RGS6: variants seen among roughly 807,000 people sequenced by gnomAD.
RGS6 encodes regulator of G-protein signaling 6.
Under a neutral mutation model 78.5 loss-of-function variants are expected in RGS6, and 30 were observed. That is an observed-to-expected ratio of 0.38 (90% CI 0.29 to 0.52). The LOEUF (loss-of-function observed/expected upper bound fraction) is 0.52. Among genes scored for constraint, RGS6 ranks in the 20% least tolerant of loss-of-function variants. The pLI is 0.85. For missense variants in RGS6, 495 were observed against 609.7 expected (o/e 0.81, Z 1.98); for synonymous variants, 206 against 206.0 (o/e 1.00, Z 0.00).
chr14:72,383,805 G>C (rs949581461), intron 3 of RGS6, among the ~76,000 whole-genome samples: 2 of 152,066 alleles, frequency 1.3e-5, no homozygotes, highest in African/African-American at 4.8e-5. Context: ...CAAAGGGTGG[G>C]GGGGGACGGT....
chr14:72,076,371 T>C (rs1012829046), intron 2 of RGS6, among the ~76,000 whole-genome samples: 2 of 152,214 alleles, frequency 1.3e-5, no homozygotes, highest in Admixed American at 1.3e-4. Context: ...AGCATTGCAT[T>C]ACATGGATGT....
intron 2 of RGS6, among the ~76,000 whole-genome samples, chr14:71,975,693 G>C (rs978838179): frequency 6.6e-6 from 1 of 152,110 alleles, no homozygotes; most frequent in Non-Finnish European, 1.5e-5. Context: ...TCTTGACCTC[G>C]TGATCCTCCC....
intron 2 of RGS6, among the ~76,000 whole-genome samples, chr14:72,181,833 G>A (rs149651): frequency 6.6e-6 from 1 of 152,020 alleles, no homozygotes; most frequent in Admixed American, 6.5e-5. Flanking sequence ...TCAGAGTGAC[G>A]CACATTAAAA....
At chr14:71,996,755 G>A (rs2095221579) in intron 2 of RGS6, among the ~76,000 whole-genome samples, 1 of 151,924 alleles carries the variant, frequency 6.6e-6, no homozygotes, top group African/African-American at 2.4e-5. Context: ...TGAGGAGTCT[G>A]CCAGGAGGAA....
the RGS6 span, among the ~76,000 whole-genome samples, chr14:72,613,575 A>C: frequency 6.6e-6 from 1 of 152,186 alleles, no homozygotes; most frequent in Non-Finnish European, 1.5e-5. Flanking sequence ...GTGGGGACAG[A>C]AGCTGGAACA....
chr14:72,593,634 G>A, the RGS6 span, among the ~76,000 whole-genome samples: 1 of 152,122 alleles, frequency 6.6e-6, no homozygotes, highest in East Asian at 1.9e-4. Flanking sequence ...TGATCTGTCC[G>A]CCTCAGCCTC....
Position 72,472,881 on chromosome 14 carries a change from G to GA in RGS6, c.552dup (p.Asp185ArgfsTer10). 4 of 1,611,610 alleles carry GA rather than the reference G, an allele frequency of 2.5e-6. No individual in the cohort carries two copies. The highest frequency in any genetic ancestry group is 3.4e-6 in the Non-Finnish European group (4 of 1,178,422). On this transcript the variant is annotated frameshift_variant, in exon 9 of 18. Coordinates refer to ENST00000553525, the MANE Select transcript of RGS6 (RefSeq NM_001204424.2). LOFTEE classifies it high-confidence loss of function. ...CTCTTTACTCTTTCAGGATTGACCG[G>GA]AAAAAAGACAAGACAGAAAGGAAAA... is the stretch of plus-strand genomic sequence containing the variant.
At chr14:72,498,680 T>C (rs769530301) in intron 13 of RGS6, among the ~76,000 whole-genome samples, 1 of 152,172 alleles carries the variant, frequency 6.6e-6, no homozygotes, top group Non-Finnish European at 1.5e-5. Context: ...GGGCCAATGG[T>C]TCTAAGCCAT....
the RGS6 span, among the ~76,000 whole-genome samples, chr14:71,905,912 G>T: frequency 6.6e-5 from 10 of 152,170 alleles, no homozygotes; most frequent in Admixed American, 3.9e-4. Context: ...GATATCAAAG[G>T]ATTTCCTCAA....
chr14:72,311,593 T>C (rs2068628356), intron 2 of RGS6, among the ~76,000 whole-genome samples: 1 of 152,222 alleles, frequency 6.6e-6, no homozygotes, highest in Non-Finnish European at 1.5e-5. Flanking sequence ...GGCTAGACAT[T>C]TCCTGGTGAT....
rs2097330519 is a variant in RGS6, at chr14:72,541,744, C to T, written c.1422+1650C>T. 3 of 1,057,036 alleles carry T rather than the reference C, an allele frequency of 2.8e-6. No homozygotes were observed. In the Admixed American group the frequency reaches 7.8e-5, roughly 28 times the overall value. The allele number at this position is 1,057,036 out of a possible 1,614,324, so 65.5% of individuals were successfully genotyped here. Reference sequence around the variant, plus strand: ...TGTGTAAGCAGAGCCTTGACAGCCCCCGGAAGCTCTTGAGGGTGACCGTGC... The same window carrying T: ...TGTGTAAGCAGAGCCTTGACAGCCCTCGGAAGCTCTTGAGGGTGACCGTGC... On this transcript the variant is annotated intron_variant, in intron 17 of 17. Transcript: ENST00000553525.
At chr14:71,983,578 G>A (rs910181424) in intron 2 of RGS6, among the ~76,000 whole-genome samples, 3 of 152,170 alleles carry the variant, frequency 2.0e-5, no homozygotes, top group Admixed American at 6.5e-5. Context: ...GGCTTTCTGT[G>A]GCTGCTGGAG....
chr14:72,110,962 C>T (rs772833428), intron 2 of RGS6, among the ~76,000 whole-genome samples: 1 of 152,158 alleles, frequency 6.6e-6, no homozygotes, highest in Non-Finnish European at 1.5e-5. Flanking sequence ...TACCAACCAA[C>T]TCAGGCCCTA....
intron 3 of RGS6, among the ~76,000 whole-genome samples, chr14:72,386,255 G>T (rs1282397400): frequency 6.6e-6 from 1 of 151,996 alleles, no homozygotes; most frequent in East Asian, 1.9e-4. Context: ...ACTATTTGGG[G>T]GGCCGGGTGT....
intron 1 of RGS6, among the ~76,000 whole-genome samples, chr14:71,953,561 T>G (rs567900466): frequency 7.9e-5 from 12 of 152,252 alleles, no homozygotes; most frequent in African/African-American, 2.9e-4. Context: ...AGGCTTAGAT[T>G]TGTCCCATGG....
chr14:72,443,617 T>C (rs898116413), intron 3 of RGS6, among the ~76,000 whole-genome samples: 1 of 152,234 alleles, frequency 6.6e-6, no homozygotes, highest in African/African-American at 2.4e-5. Context: ...AAAATGTTCA[T>C]ACACTACTTT....
chr14:72,329,928 G>A (rs187483831), intron 2 of RGS6, among the ~76,000 whole-genome samples: 67 of 152,316 alleles, frequency 4.4e-4, no homozygotes, highest in African/African-American at 1.5e-3. Context: ...TCTCTACTCA[G>A]TGAATTCTGA....
chr14:71,975,744 A>G (rs778695128), intron 2 of RGS6, among the ~76,000 whole-genome samples: 2 of 152,180 alleles, frequency 1.3e-5, no homozygotes, highest in Non-Finnish European at 2.9e-5. Flanking sequence ...GGCATGAGCC[A>G]CCATGCCCGA....
intron 2 of RGS6, among the ~76,000 whole-genome samples, chr14:72,119,956 A>G (rs746017249): frequency 9.2e-5 from 14 of 152,126 alleles, no homozygotes; most frequent in Non-Finnish European, 1.8e-4. Context: ...AGTGTTGCCT[A>G]TTTTGTTTTG....
Sources: allele counts gnomAD v4.1 joint callset (sites outside exome capture counted in the v4.1 genomes callset), GRCh38; gene constraint gnomAD v4.1.1; transcripts MANE v1.5; gene names NCBI Gene and HGNC (gene_info 2026-07-23, HGNC 2026-07-21).